The following FMO3 variants were observed in gnomAD, a reference collection of about 807,000 sequenced individuals.
FMO3 encodes the protein flavin-containing monooxygenase 3.
FMO3 carries 40 observed loss-of-function variants against 39.4 expected under a neutral mutation model. That is an observed-to-expected ratio of 1.02 (90% CI 0.79 to 1.32). The LOEUF (loss-of-function observed/expected upper bound fraction) is 1.32. Among genes scored for constraint, FMO3 ranks in the 40% most tolerant of loss-of-function variants. FMO3 has a pLI of 0.00. For missense variants in FMO3, 680 were observed against 651.8 expected (o/e 1.04, Z -0.47); for synonymous variants, 219 against 228.8 (o/e 0.96, Z 0.39).
At position 171,111,073 on chromosome 1, in the gene FMO3, A is replaced by C. The variant is rs1324531775; in HGVS notation, c.827+76A>C. 5.3e-6 allele frequency: 6 copies of C among 1,126,132 alleles called. No individual in the cohort carries two copies. The Admixed American group carries it at 8.5e-5, about 16-fold the overall frequency. 69.8% of individuals were successfully genotyped at this position (1,126,132 alleles called of 1,614,324 possible). ...ACAACCCTTAATGTCCTGTAAGCCC[A>C]AAACAAATCAAAGTATTAGCAATCA... On this transcript the variant is annotated intron_variant, in intron 6 of 8. Coordinates refer to ENST00000367755, the MANE Select transcript of FMO3 (RefSeq NM_001002294.3).
intron 3 of FMO3, among the ~76,000 whole-genome samples, chr1:171,106,561 T>C (rs1655648245): frequency 6.6e-6 from 1 of 152,210 alleles, no homozygotes; most frequent in Non-Finnish European, 1.5e-5. Context: ...GAATTCCTAA[T>C]TACTATTATC....
chr1:171,117,534 T>C lies in FMO3; in HGVS notation c.*92T>C. 1 of 925,292 alleles carries C rather than the reference T, an allele frequency of 1.1e-6. No individual in the cohort carries two copies. Among genetic ancestry groups the C allele is most frequent in the African/African-American group, 1.7e-5 (1 of 60,374 alleles). 57.3% of individuals were successfully genotyped at this position (925,292 alleles called of 1,614,324 possible). A position where few individuals can be genotyped will look rare whatever the true frequency, so the allele number is the denominator to read the frequency against. ...AATTAAAATTTTCACACCACCTGCT[T>C]TTCTATTCAGCATCTTTTGCAGTAC... On this transcript the variant is annotated 3_prime_UTR_variant, in exon 9 of 9. Coordinates refer to ENST00000367755, the MANE Select transcript of FMO3 (RefSeq NM_001002294.3).
At chr1:171,096,674 T>C (rs1226025549) in intron 2 of FMO3, among the ~76,000 whole-genome samples, 7 of 136,926 alleles carry the variant, frequency 5.1e-5, no homozygotes, top group African/African-American at 1.6e-4. Flanking sequence ...ATATATATTT[T>C]ATATTTAAAA....
chr1:171,110,061 G>A (rs1035392458), intron 5 of FMO3, among the ~76,000 whole-genome samples: 1 of 152,116 alleles, frequency 6.6e-6, no homozygotes, highest in African/African-American at 2.4e-5. Flanking sequence ...TCGAATTAAC[G>A]CTTACACAAA....
rs1353364994 is a variant in FMO3, at chr1:171,113,994, G to C, written c.828-13G>C. 1 of 1,523,212 alleles carries C rather than the reference G, an allele frequency of 6.6e-7. No individual in the cohort carries two copies. The highest frequency in any genetic ancestry group is 2.3e-5 in the East Asian group (1 of 44,258). 94.4% of individuals were successfully genotyped at this position (1,523,212 alleles called of 1,614,324 possible). A position where few individuals can be genotyped will look rare whatever the true frequency, so the allele number is the denominator to read the frequency against. On this transcript the variant is annotated splice_polypyrimidine_tract_variant and intron_variant, in intron 6 of 8. Transcript: ENST00000367755. ...TATTACACTTCCAATAATTGTCTCT[G>C]TTTTCCATACAGAGTCCTGAGGAAA...
chr1:171,093,021 A>G (rs534373483), intron 2 of FMO3, among the ~76,000 whole-genome samples: 8 of 152,284 alleles, frequency 5.3e-5, no homozygotes, highest in African/African-American at 1.7e-4. Context: ...CCCTTGATAG[A>G]TCATTAATAA....
At chr1:171,111,639 C>T (rs1655915783) in intron 6 of FMO3, among the ~76,000 whole-genome samples, 1 of 152,176 alleles carries the variant, frequency 6.6e-6, no homozygotes, top group South Asian at 2.1e-4. Context: ...GTCTCCTTCC[C>T]ATCTTCTCCT....
intron 2 of FMO3, chr1:171,101,707 T>C: frequency 2.0e-6 from 1 of 510,936 alleles, no homozygotes; most frequent in Non-Finnish European, 4.1e-6. Context: ...TGTATTTCCC[T>C]CACCTTCTTT....
chr1:171,110,895 TCCTC>T lies in FMO3; in HGVS notation c.726_729del (p.Phe242LeufsTer15), dbSNP rs1331483649. The T allele has an allele frequency of 7.4e-6, 12 of 1,614,026 alleles. No homozygotes were observed. The highest frequency in any genetic ancestry group is 9.3e-6 in the Non-Finnish European group (11 of 1,179,936). On this transcript the variant is annotated frameshift_variant, in exon 6 of 9. Transcript: ENST00000367755. LOFTEE classifies it high-confidence loss of function. The stretch of plus-strand genomic sequence containing the variant: ...CTGCTCGTCACTCGATTTGGAACCT[TCCTC>T]AAGAACAATTTACCGACAGCCATCT...
In FMO3 at chr1:171,117,573, G is replaced by T; in HGVS notation, c.*131G>T. The T allele has an allele frequency of 1.5e-6, 1 of 673,040 alleles. No homozygotes were observed. The highest frequency in any genetic ancestry group is 2.5e-6 in the Non-Finnish European group (1 of 395,188). 41.7% of individuals were successfully genotyped at this position (673,040 alleles called of 1,614,324 possible). A position where few individuals can be genotyped will look rare whatever the true frequency, so the allele number is the denominator to read the frequency against. ...CTTTTGCAGTACTCTGTAGACATTA[G>T]TCAGTAATACAGTGTTATTTCTAGG... On this transcript the variant is annotated 3_prime_UTR_variant, in exon 9 of 9. Coordinates refer to ENST00000367755, the MANE Select transcript of FMO3 (RefSeq NM_001002294.3).
intron 2 of FMO3, among the ~76,000 whole-genome samples, chr1:171,099,015 G>A (rs1334498811): frequency 6.6e-6 from 1 of 152,024 alleles, no homozygotes; most frequent in African/African-American, 2.4e-5. Flanking sequence ...GATCTTTCCT[G>A]CTTTCTCTTG....
Position 171,090,963 on chromosome 1 carries a change from G to A in FMO3, c.-25G>A, listed in dbSNP as rs11578281. ...CACAGAAGAAAAGAAGACAAAGAAC[G>A]GGTAGGAAAATTAAAAAGGTAGGAG... On this transcript the variant is annotated 5_prime_UTR_variant, in exon 1 of 9. Transcript: ENST00000367755. The A allele has an allele frequency of 8.0e-3, 1,215 of 152,464 alleles. 14 individuals carry two copies. Among genetic ancestry groups the A allele is most frequent in the Non-Finnish European group, 0.013 (890 of 68,220 alleles). 9.4% of individuals were successfully genotyped at this position (152,464 alleles called of 1,614,324 possible).
At chr1:171,098,271 C>T (rs1484655087) in intron 2 of FMO3, among the ~76,000 whole-genome samples, 9 of 152,060 alleles carry the variant, frequency 5.9e-5, no homozygotes, top group African/African-American at 9.7e-5. Context: ...CTTGGCAATG[C>T]GGGCTCTTTT....
At chr1:171,106,621 C>A (rs1173030096) in intron 3 of FMO3, among the ~76,000 whole-genome samples, 6 of 151,776 alleles carry the variant, frequency 4.0e-5, no homozygotes, top group Admixed American at 3.3e-4. Context: ...AGAAACAGTG[C>A]AGTAAGTAAA....
At chr1:171,094,719 G>T (rs547902302) in intron 2 of FMO3, among the ~76,000 whole-genome samples, 14 of 152,212 alleles carry the variant, frequency 9.2e-5, no homozygotes, top group African/African-American at 2.9e-4. Context: ...ATATGCTATT[G>T]TCAACTTTGC....
chr1:171,116,133 A>G (rs1201429151), intron 7 of FMO3, 75 bp from the exon 8 acceptor site: 3 of 911,388 alleles, frequency 3.3e-6, no homozygotes, highest in Non-Finnish European at 5.5e-6. Context: ...ATAACTCATT[A>G]TTAAAAAGGG....
Position 171,108,138 on chromosome 1 carries a change from T to C in FMO3, c.544T>C (p.Phe182Leu). The C allele has an allele frequency of 6.2e-7, 1 of 1,613,928 alleles. No homozygotes were observed. Among genetic ancestry groups the C allele is most frequent in the South Asian group, 1.1e-5 (1 of 91,072 alleles). Residue 182 changes from phenylalanine (F) to leucine (L), a missense_variant, in exon 5 of 9, where the codon TTC becomes CTC. Physicochemically the swap from Phe to Leu is conservative, Grantham distance 22 (BLOSUM62 0). Transcript: ENST00000367755. ...HSRDYKEPGV[F>L]NGKRVLVVGL... is the part of the protein sequence containing the mutation. ...CAGGGACTATAAAGAACCAGGTGTA[T>C]TCAATGGAAAGCGTGTCCTGGTGGT... is the stretch of plus-strand genomic sequence containing the variant.
chr1:171,092,630 A>C (rs764807121), intron 1 of FMO3, 23 bp from the exon 2 acceptor site: 1 of 1,613,736 alleles, frequency 6.2e-7, no homozygotes, highest in Non-Finnish European at 8.5e-7. Flanking sequence ...GTTACTGGAA[A>C]TGTTCTCTGG....
intron 6 of FMO3, among the ~76,000 whole-genome samples, chr1:171,111,611 C>A (rs1655914198): frequency 6.6e-6 from 1 of 152,142 alleles, no homozygotes; most frequent in Non-Finnish European, 1.5e-5. Flanking sequence ...CACATACTTA[C>A]CAATGCTTGC....
Sources: gnomAD v4.1 joint callset for allele counts (sites outside exome capture counted in the v4.1 genomes callset) on GRCh38, gnomAD v4.1.1 for gene constraint, MANE v1.5 for transcripts, NCBI Gene and HGNC (gene_info 2026-07-23, HGNC 2026-07-21) for gene names.